The following PUM2 variants were observed in gnomAD, a reference collection of about 807,000 sequenced individuals.
PUM2 encodes pumilio RNA binding family member 2, also known as pumilio homolog 2.
PUM2 carries 57 observed loss-of-function variants against 124.5 expected under a neutral mutation model. The ratio of observed to expected loss-of-function variants is 0.46; its 90% CI spans 0.37 to 0.57. The LOEUF is 0.57. PUM2 is among the 20% of genes least tolerant of loss of function. PUM2 has a pLI of 0.00. For missense variants in PUM2, 1,065 were observed against 1,290.6 expected (o/e 0.83, Z 2.68); for synonymous variants, 460 against 446.1 (o/e 1.03, Z -0.39).
chr2:20,308,065 GA>G lies in PUM2; in HGVS notation c.795del (p.Gln266ArgfsTer6). ...LFDYNSQQQL[F>X]QRTNALTVQQ... ...TGAACTGTTAGTGCATTAGTCCTCT[GA>G]AAGAGCTATTAGGGAAAATATTTAA... On this transcript the variant is annotated frameshift_variant, in exon 7 of 21. Coordinates refer to ENST00000361078, the MANE Select transcript of PUM2 (RefSeq NM_015317.5). LOFTEE classifies it high-confidence loss of function. 1.2e-6 allele frequency: 2 copies of G among 1,610,746 alleles called. No homozygotes were observed. Among genetic ancestry groups the G allele is most frequent in the Non-Finnish European group, 1.7e-6 (2 of 1,177,470 alleles).
chr2:20,279,240 G>T (rs1670944428), intron 12 of PUM2, among the ~76,000 whole-genome samples: 1 of 152,096 alleles, frequency 6.6e-6, no homozygotes. Flanking sequence ...GCCAAGAAAA[G>T]ATTATATGAA....
rs1056080497 is a variant in PUM2, at chr2:20,350,645, C to A, written c.-67G>T. 1 of 985,398 alleles carries A rather than the reference C, an allele frequency of 1.0e-6. No individual in the cohort carries two copies. Among genetic ancestry groups the A allele is most frequent in the East Asian group, 1.1e-4 (1 of 8,788 alleles). 61.0% of individuals were successfully genotyped at this position (985,398 alleles called of 1,614,324 possible). On this transcript the variant is annotated 5_prime_UTR_variant, in exon 1 of 21. Transcript: ENST00000361078. ...TCAGCCGGGGACACCGACCGTTGGG[C>A]ACACGGCGGCGTCGCTCTTGGCGGT... is the stretch of plus-strand genomic sequence containing the variant.
upstream of PUM2, chr2:20,350,852 G>A (rs1426908338): frequency 1.2e-5 from 10 of 824,216 alleles, 1 homozygote; most frequent in Admixed American, 4.0e-4. Context: ...CCTCCCCCCC[G>A]CCCACCGGGC....
chr2:20,338,866 G>A (rs1016335874), intron 1 of PUM2, among the ~76,000 whole-genome samples: 7 of 152,062 alleles, frequency 4.6e-5, no homozygotes, highest in African/African-American at 4.8e-5. Flanking sequence ...AATAGTGGTC[G>A]CACCTAGAAA....
At chr2:20,265,254 A>C (rs1016507618) in intron 13 of PUM2, among the ~76,000 whole-genome samples, 12 of 152,106 alleles carry the variant, frequency 7.9e-5, no homozygotes, top group African/African-American at 2.2e-4. Flanking sequence ...CGTCACAAAA[A>C]AAAAAAAAAA....
At chr2:20,263,916 T>C (rs1208531515) in intron 13 of PUM2, among the ~76,000 whole-genome samples, 1 of 152,194 alleles carries the variant, frequency 6.6e-6, no homozygotes, top group African/African-American at 2.4e-5. Flanking sequence ...CGGTCATATA[T>C]ACTTCTATGT....
chr2:20,307,817 C>A (rs1678702952), intron 7 of PUM2, among the ~76,000 whole-genome samples, 161 bp downstream of exon 7: 1 of 152,150 alleles, frequency 6.6e-6, no homozygotes, highest in African/African-American at 2.4e-5. Context: ...TAATCAGAAA[C>A]AATTCCCTAG....
intron 1 of PUM2, among the ~76,000 whole-genome samples, chr2:20,328,693 C>T (rs1371987672): frequency 6.6e-6 from 1 of 152,038 alleles, no homozygotes; most frequent in East Asian, 1.9e-4. Context: ...ACACTGGATG[C>T]ACTTAGCAGA....
intron 2 of PUM2, among the ~76,000 whole-genome samples, chr2:20,325,836 T>C (rs1331390445): frequency 1.3e-5 from 2 of 152,208 alleles, no homozygotes; most frequent in East Asian, 3.9e-4. Context: ...TTAGCCAGGA[T>C]GGTCTCTATC....
chr2:20,272,711 T>C (rs559520057), intron 13 of PUM2, among the ~76,000 whole-genome samples: 37 of 152,362 alleles, frequency 2.4e-4, no homozygotes, highest in African/African-American at 8.4e-4. Flanking sequence ...CCTAATTTTA[T>C]TGATAGCGTT....
At chr2:20,282,805 T>G in intron 12 of PUM2, 142 bp downstream of exon 12, 1 of 977,806 alleles carries the variant, frequency 1.0e-6, no homozygotes, top group South Asian at 2.0e-5. Context: ...AGGATTTTTT[T>G]TTCCTACAAA....
At chr2:20,262,527 A>G (rs1204340702) in intron 14 of PUM2, among the ~76,000 whole-genome samples, 1 of 152,188 alleles carries the variant, frequency 6.6e-6, no homozygotes. Context: ...ACAACAACGT[A>G]TTTTCTAGAA....
At chr2:20,325,455 C>T (rs1683429845) in intron 2 of PUM2, among the ~76,000 whole-genome samples, 1 of 152,128 alleles carries the variant, frequency 6.6e-6, no homozygotes, top group African/African-American at 2.4e-5. Context: ...ACCCTTTCAA[C>T]CACTGTTTCA....
intron 13 of PUM2, among the ~76,000 whole-genome samples, chr2:20,277,568 T>C (rs989884561): frequency 1.3e-5 from 2 of 152,154 alleles, no homozygotes; most frequent in Non-Finnish European, 2.9e-5. Flanking sequence ...CTGCAACAGA[T>C]ACCTTTGTTA....
intron 1 of PUM2, among the ~76,000 whole-genome samples, chr2:20,342,673 T>G (rs749191606): frequency 3.9e-5 from 6 of 152,194 alleles, no homozygotes; most frequent in Admixed American, 6.5e-5. Context: ...TTTAGCTTAT[T>G]ATGACTTATG....
At chr2:20,346,021 T>A (rs1009929150) in intron 1 of PUM2, among the ~76,000 whole-genome samples, 1 of 152,236 alleles carries the variant, frequency 6.6e-6, no homozygotes, top group Non-Finnish European at 1.5e-5. Context: ...AGCAAGAGCG[T>A]AGAGCACTCC....
rs1474906235 is a variant in PUM2 at position 20,263,206 on chromosome 2, G to C, written c.2212C>G (p.Gln738Glu). ...ATAATCACCTACCTAGAACCATGCT[G>C]GTCTTGAGAAAACTCAACTATATGT... is the stretch of plus-strand genomic sequence containing the variant. ...IGHIVEFSQD[Q>E]HGSRFIQQKL... is the part of the protein sequence containing the mutation. Residue 738 changes from glutamine to glutamate, a missense_variant, in exon 14 of 21, where the codon CAG (glutamine) becomes GAG (glutamate). Gln to Glu is a conservative substitution (Grantham distance 29). This residue lies in a region of PUM2 where 968 missense variants were observed against 1,159.8 expected (regional missense o/e 0.83). Transcript: ENST00000361078. 6.3e-7 allele frequency: 1 copy of C among 1,598,674 alleles called. No individual in the cohort carries two copies. The highest frequency in any genetic ancestry group is 2.2e-5 in the East Asian group (1 of 44,818).
intron 13 of PUM2, among the ~76,000 whole-genome samples, chr2:20,266,038 G>C (rs1261496386): frequency 6.6e-6 from 1 of 152,082 alleles, no homozygotes; most frequent in East Asian, 1.9e-4. Context: ...CCTAACAACA[G>C]AACTCCTGTG....
Position 20,253,847 on chromosome 2 carries a change from G to C in PUM2, c.3038C>G (p.Ala1013Gly). 1.1e-5 allele frequency: 17 copies of C among 1,613,204 alleles called. No individual in the cohort carries two copies. The highest frequency in any genetic ancestry group is 2.2e-5 in the East Asian group (1 of 44,868). Residue 1013 changes from alanine to glycine, a missense_variant, in exon 20 of 21, where the codon GCT becomes GGT. Ala to Gly is a moderately conservative substitution (Grantham distance 60). Coordinates refer to ENST00000361078, the MANE Select transcript of PUM2 (RefSeq NM_015317.5). ...CTTGTGCATGATTATCTTTCTCTGA[G>C]CAGGTTCAGCCATATCAATCATCTT... is the stretch of plus-strand genomic sequence containing the variant. ...VQKMIDMAEP[A>G]QRKIIMHKIR...
Sources: gnomAD v4.1 joint callset for allele counts (sites outside exome capture counted in the v4.1 genomes callset) on GRCh38, gnomAD v4.1.1 for gene constraint, gnomAD v4.1.1 regional missense constraint, MANE v1.5 for transcripts, NCBI Gene and HGNC (gene_info 2026-07-23, HGNC 2026-07-21) for gene names.